The following VPS13D variants were observed in gnomAD, a reference collection of about 807,000 sequenced individuals.
The protein encoded by VPS13D is intermembrane lipid transfer protein VPS13D.
Under a neutral mutation model 461.9 loss-of-function variants are expected in VPS13D, and 187 were observed. The ratio of observed to expected loss-of-function variants is 0.40; its 90% CI spans 0.36 to 0.46. VPS13D has a LOEUF of 0.46. Ranked by LOEUF, VPS13D falls within the 20% of genes least tolerant of loss-of-function variation. The probability of loss-of-function intolerance (pLI) is 0.60; values close to 1 mark genes in which losing one functional copy is unlikely to be tolerated. For synonymous variants in VPS13D, 1,951 were observed against 1,986.3 expected (o/e 0.98, Z 0.47); for missense variants, 4,711 against 5,364.9 (o/e 0.88, Z 3.81).
intron 63 of VPS13D, among the ~76,000 whole-genome samples, chr1:12,414,513 A>G (rs1222900362): frequency 6.6e-6 from 1 of 152,184 alleles, no homozygotes; most frequent in Non-Finnish European, 1.5e-5. Context: ...GCCACCTACA[A>G]CGAAGTGCAT....
intron 23 of VPS13D, among the ~76,000 whole-genome samples, chr1:12,291,634 G>A (rs762950695): frequency 1.1e-4 from 17 of 152,018 alleles, no homozygotes; most frequent in Non-Finnish European, 2.2e-4. Flanking sequence ...ACACACACAC[G>A]CACACCCACC....
At chr1:12,480,670 TCTG>T (rs763207304) in intron 67 of VPS13D, among the ~76,000 whole-genome samples, 1 of 152,192 alleles carries the variant, frequency 6.6e-6, no homozygotes, top group Non-Finnish European at 1.5e-5. Context: ...ATAAAGGAAT[TCTG>T]CTGCTCTTTT....
At chr1:12,248,659 A>T (rs1640636628) in intron 5 of VPS13D, among the ~76,000 whole-genome samples, 1 of 152,200 alleles carries the variant, frequency 6.6e-6, no homozygotes. Context: ...ATTATTTTTT[A>T]ATTCATTGAA....
In VPS13D at chr1:12,401,750, A is replaced by G. The variant is rs375333846; in HGVS notation, c.11881+46A>G. 2.3e-4 allele frequency: 346 copies of G among 1,534,880 alleles called. No individual in the cohort carries two copies. The East Asian group carries it at 6.3e-3, about 28-fold the overall frequency. ...TCTGTGTTTGGGAATTGGTCCAAAG[A>G]TGGTATTTTTGAGTCTGTTTGTAAA... On this transcript the variant is annotated intron_variant, in intron 62 of 69. Coordinates refer to ENST00000620676, the MANE Select transcript of VPS13D (RefSeq NM_015378.4).
intron 57 of VPS13D, among the ~76,000 whole-genome samples, chr1:12,380,156 A>G (rs554435980): frequency 1.3e-5 from 2 of 152,172 alleles, no homozygotes; most frequent in Non-Finnish European, 2.9e-5. Context: ...ATGATAAGAT[A>G]TGTTTTTCAT....
At chr1:12,306,867 A>G (rs1285968186) in intron 26 of VPS13D, among the ~76,000 whole-genome samples, 1 of 152,202 alleles carries the variant, frequency 6.6e-6, no homozygotes, top group Non-Finnish European at 1.5e-5. Flanking sequence ...GCAATTCCCA[A>G]TAGGGTTTGC....
chr1:12,235,277 C>A (rs183144592), intron 2 of VPS13D, among the ~76,000 whole-genome samples: 45 of 152,058 alleles, frequency 3.0e-4, no homozygotes, highest in Middle Eastern at 3.2e-3. Context: ...TCACATGTTC[C>A]ATTAAATGTG....
rs192999613 is a variant in VPS13D, at chr1:12,341,869, A to G, written c.8716A>G (p.Thr2906Ala). Reference protein sequence around the residue: ...TGCTLWFATLTTTPTRAALSH... With the variant: ...TGCTLWFATLATTPTRAALSH... ...GTGCACTTTGTGGTTTGCCACCCTG[A>G]CCACCACACCCACCAGGTAAGCAGT... Residue 2906 changes from threonine (T) to alanine (A), a missense_variant, in exon 41 of 70, where the codon ACC becomes GCC. By Grantham distance (58) the Thr-to-Ala change is moderately conservative (BLOSUM62 0). This residue lies in a region of VPS13D where 4,411 missense variants were observed against 4,937.8 expected (regional missense o/e 0.89). Transcript: ENST00000620676. The G allele has an allele frequency of 6.2e-7, 1 of 1,613,978 alleles. No individual in the cohort carries two copies. The highest frequency in any genetic ancestry group is 1.7e-5 in the Admixed American group (1 of 60,000).
At chr1:12,341,418 T>C (rs1033443240) in intron 40 of VPS13D, among the ~76,000 whole-genome samples, 12 of 152,246 alleles carry the variant, frequency 7.9e-5, no homozygotes, top group Non-Finnish European at 1.3e-4. Context: ...TAAGTACATA[T>C]GATATATCTT....
chr1:12,234,707 T>G (rs1413129928), intron 2 of VPS13D, among the ~76,000 whole-genome samples: 1 of 152,254 alleles, frequency 6.6e-6, no homozygotes, highest in Non-Finnish European at 1.5e-5. Context: ...AATACTGTTT[T>G]GTCACTTATT....
At chr1:12,480,346 C>T (rs563028674) in intron 67 of VPS13D, among the ~76,000 whole-genome samples, 163 of 152,328 alleles carry the variant, frequency 1.1e-3, no homozygotes, top group African/African-American at 3.7e-3. Context: ...TCATAGCCAT[C>T]TCCTTTTGGA....
intron 13 of VPS13D, among the ~76,000 whole-genome samples, chr1:12,263,690 G>A (rs1641183953): frequency 6.6e-6 from 1 of 152,176 alleles, no homozygotes; most frequent in Admixed American, 6.5e-5. Flanking sequence ...GTGGCTGAAG[G>A]ACAAATGATT....
At chr1:12,388,555 A>G (rs572891821) in intron 60 of VPS13D, among the ~76,000 whole-genome samples, 1 of 151,762 alleles carries the variant, frequency 6.6e-6, no homozygotes, top group South Asian at 2.1e-4. Flanking sequence ...GCATGGTGAC[A>G]GATGGAGACT....
In VPS13D at chr1:12,277,076, A is replaced by C; in HGVS notation, c.3488A>C (p.Asn1163Thr). ...ACTTACCAGTCTACATATGAACAAA[A>C]CACTGAGGTTGCAGTGGAAATCCAT... The part of the protein sequence containing the change: ...QGTYQSTYEQ[N>T]TEVAVEIHRL... The change falls in exon 19 of 70, where the codon AAC becomes ACC. Residue 1163 changes from asparagine (N) to threonine (T), a missense_variant. This residue lies in a region of VPS13D where 4,411 missense variants were observed against 4,937.8 expected (regional missense o/e 0.89). Transcript: ENST00000620676. 2 of 1,614,170 alleles carry C rather than the reference A, an allele frequency of 1.2e-6. No individual in the cohort carries two copies. Among genetic ancestry groups the C allele is most frequent in the Non-Finnish European group, 1.7e-6 (2 of 1,180,024 alleles).
At chr1:12,352,832 G>A (rs1428205929) in intron 46 of VPS13D, among the ~76,000 whole-genome samples, 5 of 151,962 alleles carry the variant, frequency 3.3e-5, no homozygotes, top group South Asian at 2.1e-4. Context: ...AGACATGGTG[G>A]TGCACTCCTG....
intron 21 of VPS13D, 61 bp downstream of exon 21, chr1:12,283,797 A>C (rs964630663): frequency 2.0e-6 from 3 of 1,469,006 alleles, no homozygotes; most frequent in Non-Finnish European, 2.7e-6. Context: ...TTGTTGATTT[A>C]AATACAAGCA....
chr1:12,273,655 T>G (rs1641519930), intron 18 of VPS13D, among the ~76,000 whole-genome samples: 1 of 152,230 alleles, frequency 6.6e-6, no homozygotes, highest in African/African-American at 2.4e-5. Flanking sequence ...ATGCCATATG[T>G]GGCCTTTTTT....
intron 67 of VPS13D, among the ~76,000 whole-genome samples, chr1:12,485,468 G>T (rs138634178): frequency 1.2e-4 from 18 of 152,194 alleles, no homozygotes; most frequent in African/African-American, 4.3e-4. Context: ...CTTCTGGCCC[G>T]CATCACCCTG....
At chr1:12,503,616 G>T (rs1423420338) in intron 68 of VPS13D, among the ~76,000 whole-genome samples, 1 of 152,232 alleles carries the variant, frequency 6.6e-6, no homozygotes, top group African/African-American at 2.4e-5. Context: ...CTAGGTCTCA[G>T]ATTGGAAGGA....
Sources: gnomAD v4.1 joint callset for allele counts (sites outside exome capture counted in the v4.1 genomes callset) on GRCh38, gnomAD v4.1.1 for gene constraint, gnomAD v4.1.1 regional missense constraint, MANE v1.5 for transcripts, NCBI Gene and HGNC (gene_info 2026-07-23, HGNC 2026-07-21) for gene names.